Variants in RIN3 observed in about 807,000 individuals in gnomAD.
RIN3 encodes RAB5 interacting protein 3.
In RIN3, 54 loss-of-function variants were observed where a neutral mutation model predicts 76.3. That is an observed-to-expected ratio of 0.71 (90% CI 0.57 to 0.89). RIN3 has a LOEUF of 0.89. Among genes scored for constraint, RIN3 ranks in the 40% least tolerant of loss-of-function variants. RIN3 has a pLI of 0.00. For synonymous variants in RIN3, 576 were observed against 564.0 expected, an observed-to-expected ratio of 1.02 and a Z score of -0.30; for missense variants, 1,256 against 1,322.1, an observed-to-expected ratio of 0.95 and a Z score of 0.78.
At chr14:92,518,789 C>CTGTGTGTGTGTGTGTGTGTGTGTGTGTG (rs61124300) in intron 1 of RIN3, among the ~76,000 whole-genome samples, 5 of 128,330 alleles carry the variant, frequency 3.9e-5, no homozygotes, top group Non-Finnish European at 6.5e-5. Context: ...TAAGGGTGGC[C>CTGTGTGTGTGTGTGTGTGTGTGTGTGTG]TGTGTGTGTG....
At chr14:92,604,897 A>C (rs990087359) in intron 3 of RIN3, among the ~76,000 whole-genome samples, 1 of 115,914 alleles carries the variant, frequency 8.6e-6, no homozygotes. Context: ...CAATTTCCTT[A>C]TCCATTTTCC....
chr14:92,628,001 C>G (rs370883348), intron 4 of RIN3, among the ~76,000 whole-genome samples: 44 of 152,318 alleles, frequency 2.9e-4, no homozygotes, highest in African/African-American at 8.2e-4. Flanking sequence ...GTGTCCTCCC[C>G]CTGTGGGCTG....
At chr14:92,684,054 G>A (rs1419922047) in intron 8 of RIN3, among the ~76,000 whole-genome samples, 1 of 152,076 alleles carries the variant, frequency 6.6e-6, no homozygotes, top group Non-Finnish European at 1.5e-5. Flanking sequence ...TTGGGCAAAG[G>A]CATCAAAAAG....
intron 7 of RIN3, among the ~76,000 whole-genome samples, chr14:92,664,360 CTTTCT>C (rs1423652291): frequency 2.1e-5 from 2 of 97,064 alleles, no homozygotes; most frequent in Non-Finnish European, 4.6e-5. Flanking sequence ...TTCTTTCTTT[CTTTCT>C]TTTTTTTTTT....
At chr14:92,641,139 C>G (rs1477122800) in intron 4 of RIN3, 99 bp from the exon 5 acceptor site, 12 of 917,054 alleles carry the variant, frequency 1.3e-5, no homozygotes, top group Non-Finnish European at 2.1e-5. Context: ...GTATGGAGAC[C>G]CTGGCAGCCA....
At position 92,513,912 on chromosome 14, in the gene RIN3, C is replaced by T; in HGVS notation, c.-21C>T. ...CCGGCGCCTGAGCGCCTCCGTTCCC[C>T]GTCCCGGAGCTGCCGGCGGCATGAT... On this transcript the variant is annotated 5_prime_UTR_variant, in exon 1 of 10. Coordinates refer to ENST00000216487, the MANE Select transcript of RIN3 (RefSeq NM_024832.5). The T allele has an allele frequency of 3.2e-6, 4 of 1,252,092 alleles. No homozygotes were observed. Among genetic ancestry groups the T allele is most frequent in the Middle Eastern group, 3.1e-4 (1 of 3,246 alleles). 77.6% of individuals were successfully genotyped at this position (1,252,092 alleles called of 1,614,324 possible). A position where few individuals can be genotyped will look rare whatever the true frequency, so the allele number is the denominator to read the frequency against.
At chr14:92,534,760 A>G (rs540046515) in intron 1 of RIN3, among the ~76,000 whole-genome samples, 22 of 151,690 alleles carry the variant, frequency 1.5e-4, no homozygotes, top group Admixed American at 8.5e-4. Flanking sequence ...TACACCTTCC[A>G]CTATCTTGTA....
chr14:92,608,199 G>A (rs1006609561), intron 3 of RIN3, among the ~76,000 whole-genome samples: 1 of 152,084 alleles, frequency 6.6e-6, no homozygotes, highest in Non-Finnish European at 1.5e-5. Flanking sequence ...TGGCATCTGG[G>A]GATTGCATTG....
intron 2 of RIN3, among the ~76,000 whole-genome samples, chr14:92,562,702 G>A (rs1387633643): frequency 6.6e-6 from 1 of 152,038 alleles, no homozygotes; most frequent in African/African-American, 2.4e-5. Context: ...TTTGGAACAT[G>A]TCGTTATTTC....
intron 7 of RIN3, among the ~76,000 whole-genome samples, chr14:92,667,439 C>T (rs1888145465): frequency 1.3e-5 from 2 of 152,000 alleles, no homozygotes; most frequent in Admixed American, 1.3e-4. Context: ...ATCGCTTGAA[C>T]CCAGGAGGCG....
intron 7 of RIN3, among the ~76,000 whole-genome samples, chr14:92,669,831 G>A (rs1006682515): frequency 6.6e-6 from 1 of 152,160 alleles, no homozygotes; most frequent in African/African-American, 2.4e-5. Context: ...GAATAGTTAG[G>A]CCAGAGACCC....
At chr14:92,532,533 TG>T (rs1375610182) in intron 1 of RIN3, among the ~76,000 whole-genome samples, 5 of 152,196 alleles carry the variant, frequency 3.3e-5, no homozygotes, top group African/African-American at 1.2e-4. Context: ...TCTCCCCTTC[TG>T]GGGGAAGTTA....
intron 3 of RIN3, among the ~76,000 whole-genome samples, chr14:92,605,334 C>G (rs35525249): frequency 0.29 from 44,068 of 152,080 alleles, 7,136 homozygotes; most frequent in East Asian, 0.51. Flanking sequence ...GGGGTCAGAA[C>G]TGGAAATTTT....
chr14:92,579,948 A>G (rs868823930), intron 3 of RIN3, among the ~76,000 whole-genome samples: 5 of 152,248 alleles, frequency 3.3e-5, no homozygotes, highest in South Asian at 2.1e-4. Context: ...CTGGGTCCTG[A>G]AGGTGAGTAT....
chr14:92,575,841 G>A (rs1898210044), intron 2 of RIN3, among the ~76,000 whole-genome samples: 1 of 152,104 alleles, frequency 6.6e-6, no homozygotes, highest in East Asian at 1.9e-4. Flanking sequence ...CTGTGACTTA[G>A]AATGCCCTAA....
chr14:92,594,506 T>C (rs977489926), intron 3 of RIN3, among the ~76,000 whole-genome samples: 1 of 150,378 alleles, frequency 6.6e-6, no homozygotes, highest in Non-Finnish European at 1.5e-5. Context: ...TAGAAATCAA[T>C]AACATAAAGA....
In RIN3 at chr14:92,652,927, C is replaced by A. The variant is rs1307580403; in HGVS notation, c.1878C>A (p.Tyr626Ter). The change falls in exon 6 of 10, where the codon TAC becomes TAA. Residue 626 changes from tyrosine to a stop codon, truncating the protein, a stop_gained. Transcript: ENST00000216487. LOFTEE classifies it high-confidence loss of function. This position sits in a 1 kb window ranked among gnomAD's most constrained non-coding sequence, Gnocchi z 6.4. ...FGSLVQDYKV[Y>*]SLEMMARQTS... ...GCCTGGTGCAGGACTACAAGGTGTA[C>A]AGCCTGGAGATGATGGCGCGCCAGA... The A allele has an allele frequency of 6.2e-7, 1 of 1,613,986 alleles. No homozygotes were observed. The highest frequency in any genetic ancestry group is 8.5e-7 in the Non-Finnish European group (1 of 1,180,038).
intron 2 of RIN3, among the ~76,000 whole-genome samples, chr14:92,574,110 A>G (rs1303674572): frequency 6.6e-6 from 1 of 152,240 alleles, no homozygotes; most frequent in East Asian, 1.9e-4. Flanking sequence ...AATAAAGGAC[A>G]CGGACACACA....
intron 1 of RIN3, among the ~76,000 whole-genome samples, chr14:92,535,330 CTTTCTTTTTTT>C (rs1566830951): frequency 2.8e-5 from 4 of 142,922 alleles, no homozygotes; most frequent in African/African-American, 1.1e-4. Flanking sequence ...TCTTTTCTTT[CTTTCTTTTTTT>C]TTTTTTTTTT....
Sources: allele counts gnomAD v4.1 joint callset (sites outside exome capture counted in the v4.1 genomes callset), GRCh38; gene constraint gnomAD v4.1.1; non-coding constraint Gnocchi (gnomAD v3.1); transcripts MANE v1.5; gene names NCBI Gene and HGNC (gene_info 2026-07-23, HGNC 2026-07-21).